NCOR2: variants seen among roughly 807,000 people sequenced by gnomAD.
The protein encoded by NCOR2 is CTG repeat protein 26.
A neutral mutation model predicts 262.9 loss-of-function variants in NCOR2; 81 were observed. That is an observed-to-expected ratio of 0.31 (90% CI 0.26 to 0.37). The LOEUF is 0.37. Among genes scored for constraint, NCOR2 ranks in the 10% least tolerant of loss-of-function variants. The probability of loss-of-function intolerance (pLI) is 1.00; values close to 1 mark genes in which losing one functional copy is unlikely to be tolerated. For missense variants in NCOR2, 3,385 were observed against 3,621.4 expected (o/e 0.93, Z 1.68); for synonymous variants, 1,659 against 1,559.3 (o/e 1.06, Z -1.51).
chr12:124,440,847 A>C lies in NCOR2; in HGVS notation c.816-2851T>G, dbSNP rs1168613251. On this transcript the variant is annotated intron_variant, in intron 7 of 46. Coordinates refer to ENST00000405201, the Ensembl canonical transcript of NCOR2. This position sits in a 1 kb window ranked among gnomAD's most constrained non-coding sequence, Gnocchi z 5.7. Reference sequence around the variant, plus strand: ...AGCTGGGATCTACGTCATCAGAAGGACCCGGCTCTGGGAAGATCCAGAAGG... The same window carrying C: ...AGCTGGGATCTACGTCATCAGAAGGCCCCGGCTCTGGGAAGATCCAGAAGG... Among the ~76,000 whole-genome samples the C allele has an allele frequency of 1.3e-5, 2 of 152,012 alleles. No homozygotes were observed. The highest frequency in any genetic ancestry group is 2.9e-5 in the Non-Finnish European group (2 of 68,002).
At chr12:124,532,174 G>A (rs930931482) in intron 1 of NCOR2, among the ~76,000 whole-genome samples, 5 of 152,102 alleles carry the variant, frequency 3.3e-5, no homozygotes, top group South Asian at 2.1e-4. Context: ...CTTAGTGCAC[G>A]CATAGCGAGT....
chr12:124,563,963 G>A (rs1197999947), intron 1 of NCOR2, among the ~76,000 whole-genome samples: 1 of 152,216 alleles, frequency 6.6e-6, no homozygotes, highest in Non-Finnish European at 1.5e-5. Context: ...CAAGCTGTGT[G>A]ACCTTGGGCA....
intron 1 of NCOR2, among the ~76,000 whole-genome samples, chr12:124,527,537 C>T (rs892215628): frequency 2.0e-5 from 3 of 151,964 alleles, no homozygotes; most frequent in South Asian, 2.1e-4. Flanking sequence ...CCTGCCTCAG[C>T]CTCTCCAGTA....
intron 1 of NCOR2, among the ~76,000 whole-genome samples, chr12:124,488,420 T>C (rs2047897956): frequency 6.6e-6 from 1 of 152,150 alleles, no homozygotes; most frequent in South Asian, 2.1e-4. Flanking sequence ...AGCCTCAGTT[T>C]CTCCTCTTTG....
At chr12:124,458,420 C>T (rs1213685447) in intron 5 of NCOR2, among the ~76,000 whole-genome samples, 1 of 152,294 alleles carries the variant, frequency 6.6e-6, no homozygotes, top group Middle Eastern at 3.4e-3. Flanking sequence ...GAGCTGCCTC[C>T]GCCTACAGCC....
At position 124,467,710 on chromosome 12, in the gene NCOR2, C is replaced by T. The variant is rs569088212; in HGVS notation, c.592-1424G>A. 1.0e-4 allele frequency among the ~76,000 whole-genome samples: 14 copies of T among 138,656 alleles called. No individual in the cohort carries two copies. The East Asian group carries it at 2.5e-3, about 25-fold the overall frequency. 91.0% of individuals were successfully genotyped at this position (138,656 alleles called of 152,430 possible). ...TGACCTCCATCATCCTTATCACCCTCATCATCCTCATCACCCTCATCCTCA... is the reference window on the plus strand; with the variant it reads ...TGACCTCCATCATCCTTATCACCCTTATCATCCTCATCACCCTCATCCTCA... On this transcript the variant is annotated intron_variant, in intron 4 of 46. Transcript: ENST00000405201.
chr12:124,507,201 G>A (rs999403411), intron 1 of NCOR2, among the ~76,000 whole-genome samples: 6 of 152,304 alleles, frequency 3.9e-5, no homozygotes, highest in African/African-American at 1.4e-4. Flanking sequence ...TGGGGAGAGC[G>A]AGGAAGGGGG....
intron 6 of NCOR2, among the ~76,000 whole-genome samples, chr12:124,455,329 G>C (rs1018545574): frequency 1.3e-5 from 2 of 152,236 alleles, no homozygotes; most frequent in Non-Finnish European, 2.9e-5. Context: ...CTTCCACTGA[G>C]AGAAGCACGA....
chr12:124,388,031 A>T (rs1234370515), intron 16 of NCOR2, among the ~76,000 whole-genome samples: 2 of 132,596 alleles, frequency 1.5e-5, no homozygotes, highest in African/African-American at 2.9e-5. Flanking sequence ...ACCCTAATTA[A>T]CTCCGATCAT....
At chr12:124,532,672 G>T (rs1029677268) in intron 1 of NCOR2, among the ~76,000 whole-genome samples, 4 of 152,178 alleles carry the variant, frequency 2.6e-5, no homozygotes, top group African/African-American at 9.7e-5. Flanking sequence ...AGATAACTCA[G>T]CCACAGGAGG....
At chr12:124,336,049 G>A in intron 38 of NCOR2, 1 of 187,544 alleles carries the variant, frequency 5.3e-6, no homozygotes, top group Non-Finnish European at 1.1e-5. Flanking sequence ...CTGGGCTATA[G>A]CCTCGGCCAT....
intron 13 of NCOR2, among the ~76,000 whole-genome samples, chr12:124,417,445 G>A (rs1288843171): frequency 1.3e-5 from 2 of 152,174 alleles, no homozygotes; most frequent in Non-Finnish European, 2.9e-5. Flanking sequence ...CACACAGGGG[G>A]AGGGGATGGG....
At chr12:124,492,130 C>G (rs1430174684) in intron 1 of NCOR2, among the ~76,000 whole-genome samples, 1 of 152,222 alleles carries the variant, frequency 6.6e-6, no homozygotes, top group Non-Finnish European at 1.5e-5. Context: ...GCTTCCACGG[C>G]CTGCACCATT....
At chr12:124,402,210 A>G (rs2042021101) in intron 14 of NCOR2, among the ~76,000 whole-genome samples, 194 bp downstream of exon 16, 1 of 152,146 alleles carries the variant, frequency 6.6e-6, no homozygotes, top group Non-Finnish European at 1.5e-5. Flanking sequence ...GGGGGGAGCC[A>G]GGGAGGAGGA....
At chr12:124,446,050 C>T (rs1202686683) in intron 7 of NCOR2, among the ~76,000 whole-genome samples, 1 of 152,238 alleles carries the variant, frequency 6.6e-6, no homozygotes, top group African/African-American at 2.4e-5. Flanking sequence ...CACGGGGCCT[C>T]CCTTCCCATG....
At chr12:124,438,131 C>T in intron 7 of NCOR2, 135 bp from the exon 10 acceptor site, 1 of 771,346 alleles carries the variant, frequency 1.3e-6, no homozygotes, top group South Asian at 1.6e-5. Context: ...CCCACCCGTG[C>T]TGTATCCCCA....
exon 2 of NCOR2, chr12:124,486,455 C>T (rs748649330): frequency 6.2e-7 from 1 of 1,612,772 alleles, no homozygotes; most frequent in South Asian, 1.1e-5. Context: ...CATTCCCGGG[C>T]TGGAACTCAG....
rs145624725 is a variant in NCOR2 at position 124,517,391 on chromosome 12, C to T, written c.-118+18174G>A. Among the ~76,000 whole-genome samples the T allele has an allele frequency of 1.1e-3, 164 of 152,296 alleles. No individual in the cohort carries two copies. The highest frequency in any genetic ancestry group is 3.8e-3 in the African/African-American group (156 of 41,560). On this transcript the variant is annotated intron_variant, in intron 1 of 46. Transcript: ENST00000404621. This position sits in a 1 kb window ranked among gnomAD's most constrained non-coding sequence, Gnocchi z 7.6. ...TGCAACTAAAGGCTCCTTGTGAGCTCGGGAAGCCCTTCCAACTTTCCAGTG... is the reference window on the plus strand; with the variant it reads ...TGCAACTAAAGGCTCCTTGTGAGCTTGGGAAGCCCTTCCAACTTTCCAGTG...
rs201835504 is a variant in NCOR2 at position 124,430,797 on chromosome 12, C to A, written c.883-10G>T. ...GGCAGAACTTCTGCTCCTGGGAGAG[C>A]GCAGGGGGCACTGCGGAAGATGCTC... is the stretch of plus-strand genomic sequence containing the variant. On this transcript the variant is annotated splice_polypyrimidine_tract_variant and intron_variant, in intron 8 of 46. Transcript: ENST00000405201. The A allele has an allele frequency of 2.3e-5, 37 of 1,597,862 alleles. No homozygotes were observed. The highest frequency in any genetic ancestry group is 1.7e-6 in the Non-Finnish European group (2 of 1,170,174).
Sources: gnomAD v4.1 joint callset for allele counts (sites outside exome capture counted in the v4.1 genomes callset) on GRCh38, gnomAD v4.1.1 for gene constraint, Gnocchi (gnomAD v3.1) non-coding constraint, MANE v1.5 for transcripts, NCBI Gene and HGNC (gene_info 2026-07-23, HGNC 2026-07-21) for gene names.